The following TASP1 variants were observed in gnomAD, a reference collection of about 807,000 sequenced individuals.
TASP1 encodes the protein threonine aspartase 1.
Under a neutral mutation model 56.6 loss-of-function variants are expected in TASP1, and 16 were observed. That is an observed-to-expected ratio of 0.28 (90% CI 0.19 to 0.43). The LOEUF (loss-of-function observed/expected upper bound fraction) is 0.43. TASP1 is among the 20% of genes least tolerant of loss of function. TASP1 has a pLI of 1.00. For missense variants in TASP1, 393 were observed against 511.6 expected, an observed-to-expected ratio of 0.77 and a Z score of 2.24; for synonymous variants, 179 against 184.2, an observed-to-expected ratio of 0.97 and a Z score of 0.23.
chr20:13,130,564 A>G, the TASP1 span, among the ~76,000 whole-genome samples: 1 of 152,366 alleles, frequency 6.6e-6, no homozygotes. Context: ...CAGTGAAATG[A>G]CAATGTTTAT....
the TASP1 span, among the ~76,000 whole-genome samples, chr20:13,137,315 C>T: frequency 3.9e-5 from 6 of 152,118 alleles, no homozygotes; most frequent in Non-Finnish European, 5.9e-5. Context: ...TCTACTTGCA[C>T]GTTACACACT....
At chr20:13,496,485 T>TA (rs56129321) in intron 10 of TASP1, among the ~76,000 whole-genome samples, 143 of 146,648 alleles carry the variant, frequency 9.8e-4, no homozygotes, top group Admixed American at 1.6e-3. Flanking sequence ...ATTTCCTACT[T>TA]AAAAAAAAAA....
At chr20:13,179,758 T>C in the TASP1 span, among the ~76,000 whole-genome samples, 5 of 152,112 alleles carry the variant, frequency 3.3e-5, no homozygotes, top group African/African-American at 1.2e-4. Flanking sequence ...GGCCTTATCC[T>C]CCACAGCTGT....
the TASP1 span, among the ~76,000 whole-genome samples, chr20:13,163,691 T>A: frequency 2.0e-5 from 3 of 151,936 alleles, no homozygotes; most frequent in African/African-American, 7.3e-5. Context: ...TTAATGTCAG[T>A]TTGAAAGATT....
chr20:13,192,293 T>C, the TASP1 span, among the ~76,000 whole-genome samples: 1 of 152,020 alleles, frequency 6.6e-6, no homozygotes, highest in Non-Finnish European at 1.5e-5. Flanking sequence ...TCCCAGCAAT[T>C]TGGGAGGCCA....
chr20:13,148,577 A>G, the TASP1 span, among the ~76,000 whole-genome samples: 2 of 152,160 alleles, frequency 1.3e-5, no homozygotes, highest in Non-Finnish European at 2.9e-5. Context: ...GCTACCACAT[A>G]TGCCCATTTT....
chr20:13,207,352 A>C, the TASP1 span, among the ~76,000 whole-genome samples: 1 of 152,242 alleles, frequency 6.6e-6, no homozygotes, highest in African/African-American at 2.4e-5. Context: ...CCACTAGCCA[A>C]AGTAAGTCAC....
At chr20:13,427,542 A>G (rs1392493340) in intron 12 of TASP1, among the ~76,000 whole-genome samples, 2 of 152,212 alleles carry the variant, frequency 1.3e-5, no homozygotes, top group African/African-American at 4.8e-5. Context: ...ATCAAGGAAA[A>G]CTAAACAATG....
the TASP1 span, among the ~76,000 whole-genome samples, chr20:13,115,419 C>T: frequency 9.9e-5 from 15 of 152,192 alleles, no homozygotes; most frequent in East Asian, 2.3e-3. Flanking sequence ...TAGACCAGCC[C>T]CATGGAAGGA....
intron 4 of TASP1, among the ~76,000 whole-genome samples, chr20:13,620,631 G>A (rs1488250991): frequency 1.3e-5 from 2 of 152,130 alleles, no homozygotes; most frequent in Non-Finnish European, 2.9e-5. Context: ...AGTCTAAAGA[G>A]AAAAGAACAA....
intron 5 of TASP1, among the ~76,000 whole-genome samples, chr20:13,583,326 C>A (rs925130239): frequency 1.3e-5 from 2 of 152,212 alleles, no homozygotes; most frequent in Non-Finnish European, 2.9e-5. Context: ...CAGCTCTGGC[C>A]TGGGTAACCC....
the TASP1 span, among the ~76,000 whole-genome samples, chr20:13,187,248 G>C: frequency 6.6e-6 from 1 of 151,902 alleles, no homozygotes; most frequent in Non-Finnish European, 1.5e-5. Flanking sequence ...AATTTCAAAA[G>C]GTAGAACATA....
At chr20:13,560,879 C>T (rs532156742) in intron 7 of TASP1, among the ~76,000 whole-genome samples, 1 of 152,288 alleles carries the variant, frequency 6.6e-6, no homozygotes, top group South Asian at 2.1e-4. Context: ...GCTCAAGGAA[C>T]TCCAAGTAGG....
At chr20:13,288,847 C>T in the TASP1 span, among the ~76,000 whole-genome samples, 1 of 151,878 alleles carries the variant, frequency 6.6e-6, no homozygotes, top group Admixed American at 6.6e-5. Context: ...TGCAGTGGCA[C>T]AATCTCAGCT....
At chr20:13,332,271 C>A in the TASP1 span, among the ~76,000 whole-genome samples, 4 of 152,098 alleles carry the variant, frequency 2.6e-5, no homozygotes, top group African/African-American at 9.7e-5. Context: ...AAATGTGGGG[C>A]CCCTGTCAAA....
the TASP1 span, among the ~76,000 whole-genome samples, chr20:13,260,178 A>C: frequency 6.6e-6 from 1 of 152,240 alleles, no homozygotes; most frequent in Non-Finnish European, 1.5e-5. Flanking sequence ...TGCCGGTGGC[A>C]GGAGCTTTCT....
the TASP1 span, among the ~76,000 whole-genome samples, chr20:13,218,972 C>T: frequency 6.6e-6 from 1 of 152,226 alleles, no homozygotes; most frequent in South Asian, 2.1e-4. Context: ...CTCCAAATCT[C>T]CATTTACAAA....
chr20:13,409,288 A>G (rs1321745121), intron 13 of TASP1, among the ~76,000 whole-genome samples: 2 of 151,966 alleles, frequency 1.3e-5, no homozygotes, highest in Non-Finnish European at 2.9e-5. Context: ...ACTAATTTTT[A>G]TTCAAGTCAT....
chr20:13,520,218 A>G (rs2044689912), intron 10 of TASP1, among the ~76,000 whole-genome samples: 1 of 152,182 alleles, frequency 6.6e-6, no homozygotes, highest in Non-Finnish European at 1.5e-5. Context: ...TATAGATTCA[A>G]TGCCATCCCC....
Sources: allele counts gnomAD v4.1 joint callset (sites outside exome capture counted in the v4.1 genomes callset), GRCh38; gene constraint gnomAD v4.1.1; transcripts MANE v1.5; gene names NCBI Gene and HGNC (gene_info 2026-07-23, HGNC 2026-07-21).